The following COPS4 variants were observed in gnomAD, a reference collection of about 807,000 sequenced individuals.
COPS4 encodes the protein COP9 signalosome complex subunit 4.
COPS4 carries 8 observed loss-of-function variants against 55.1 expected under a neutral mutation model. The observed-to-expected ratio is 0.15, with a 90% CI of 0.09 to 0.26. COPS4 has a LOEUF of 0.26. COPS4 is among the 10% of genes least tolerant of loss of function. The pLI is 1.00. For missense variants in COPS4, 248 were observed against 484.0 expected (o/e 0.51, Z 4.58); for synonymous variants, 185 against 165.7 (o/e 1.12, Z -0.90).
At chr4:83,045,726 A>T in intron 2 of COPS4, 21 bp downstream of exon 2, 1 of 1,565,526 alleles carries the variant, frequency 6.4e-7, no homozygotes, top group Non-Finnish European at 8.8e-7. Context: ...TGGAAATTTC[A>T]TGCTTGCCTT....
intron 4 of COPS4, among the ~76,000 whole-genome samples, chr4:83,053,182 G>A (rs150532090): frequency 9.2e-5 from 14 of 152,258 alleles, no homozygotes; most frequent in African/African-American, 3.4e-4. Context: ...TTTGAGCCCA[G>A]ACTGGGCAAC....
rs189629429 is a variant in COPS4 at position 83,043,485 on chromosome 4, C to G, written c.75-2141C>G. Reference sequence around the variant, plus strand: ...AGTGAGCTATGATCATGTCACTGCACTCTAGCCTGGGCGACAGAGTGAGAC... The same window carrying G: ...AGTGAGCTATGATCATGTCACTGCAGTCTAGCCTGGGCGACAGAGTGAGAC... On this transcript the variant is annotated intron_variant, in intron 1 of 9. Transcript: ENST00000264389. Among the ~76,000 whole-genome samples the G allele has an allele frequency of 1.2e-3, 158 of 132,442 alleles. 1 individual carries two copies. The highest frequency in any genetic ancestry group is 4.5e-3 in the African/African-American group (153 of 33,996). The allele number at this position is 132,442 out of a possible 152,430, so 86.9% of individuals were successfully genotyped here.
intron 1 of COPS4, among the ~76,000 whole-genome samples, chr4:83,040,055 A>G (rs369886414): frequency 2.6e-5 from 4 of 152,040 alleles, no homozygotes; most frequent in Admixed American, 6.6e-5. Flanking sequence ...TTCCATTTCA[A>G]TGCTTTATTC....
chr4:83,074,123 A>G (rs1731506693), intron 9 of COPS4, among the ~76,000 whole-genome samples: 1 of 152,038 alleles, frequency 6.6e-6, no homozygotes, highest in Admixed American at 6.6e-5. Flanking sequence ...TTTTTGAGGG[A>G]TTTAAATGGT....
At chr4:83,040,929 A>G (rs183998722) in intron 1 of COPS4, among the ~76,000 whole-genome samples, 175 of 152,124 alleles carry the variant, frequency 1.2e-3, no homozygotes, top group Non-Finnish European at 1.1e-3. Flanking sequence ...AGTGCCAAGA[A>G]ATTAAGAATC....
intron 6 of COPS4, among the ~76,000 whole-genome samples, chr4:83,061,711 C>CTTTT: frequency 7.0e-6 from 1 of 142,164 alleles, no homozygotes. Flanking sequence ...TAGATTATGT[C>CTTTT]TTTTTTTTTT....
chr4:83,059,701 G>C (rs548719045), intron 6 of COPS4, among the ~76,000 whole-genome samples: 15 of 139,462 alleles, frequency 1.1e-4, no homozygotes, highest in Non-Finnish European at 2.2e-4. Context: ...TTTTTTTTTT[G>C]TTTGTTTGTT....
chr4:83,065,412 TG>T, intron 7 of COPS4, among the ~76,000 whole-genome samples: 1 of 152,280 alleles, frequency 6.6e-6, no homozygotes, highest in Admixed American at 6.5e-5. Flanking sequence ...CAAGGTAGAC[TG>T]GGAGATAGGA....
chr4:83,057,343 T>C lies in COPS4; in HGVS notation c.650T>C (p.Val217Ala), dbSNP rs747768262. 1 of 1,613,252 alleles carries C rather than the reference T, an allele frequency of 6.2e-7. No homozygotes were observed. Among genetic ancestry groups the C allele is most frequent in the Non-Finnish European group, 8.5e-7 (1 of 1,179,700 alleles). Reference sequence around the variant, plus strand: ...AATGAGCTCTCTTACAAGACAATAGTCCACGAAAGTGAAAGACTAGAGGCC... The same window carrying C: ...AATGAGCTCTCTTACAAGACAATAGCCCACGAAAGTGAAAGACTAGAGGCC... ...RYNELSYKTI[V>A]HESERLEALK... Residue 217 changes from valine to alanine, a missense_variant, in exon 6 of 10, where the codon GTC becomes GCC. By Grantham distance (64) the Val-to-Ala change is moderately conservative. Coordinates refer to ENST00000264389, the MANE Select transcript of COPS4 (RefSeq NM_016129.3).
At chr4:83,070,629 T>G (rs1731401252) in intron 9 of COPS4, among the ~76,000 whole-genome samples, 1 of 152,202 alleles carries the variant, frequency 6.6e-6, no homozygotes, top group Admixed American at 6.5e-5. Context: ...CATTTCTTAC[T>G]ATCACCAACC....
intron 2 of COPS4, 43 bp downstream of exon 2, chr4:83,045,748 C>G (rs1730693327): frequency 7.4e-7 from 1 of 1,358,432 alleles, no homozygotes; most frequent in East Asian, 2.3e-5. Context: ...TATTACTGAG[C>G]TAGGACTTTA....
At chr4:83,058,718 A>G (rs1287152518) in intron 6 of COPS4, among the ~76,000 whole-genome samples, 2 of 152,184 alleles carry the variant, frequency 1.3e-5, no homozygotes, top group Non-Finnish European at 2.9e-5. Flanking sequence ...TGATCTTTAC[A>G]TGTCAGTACA....
intron 4 of COPS4, among the ~76,000 whole-genome samples, chr4:83,052,478 C>T (rs1730911539): frequency 1.3e-5 from 2 of 152,138 alleles, no homozygotes; most frequent in Admixed American, 1.3e-4. Flanking sequence ...CAGCACCACT[C>T]CTCTGATTGC....
chr4:83,067,019 C>T (rs1035475857), intron 8 of COPS4, among the ~76,000 whole-genome samples: 2 of 151,992 alleles, frequency 1.3e-5, no homozygotes, highest in African/African-American at 4.8e-5. Flanking sequence ...AGTTATGGGT[C>T]GCATCCCTTT....
intron 6 of COPS4, among the ~76,000 whole-genome samples, chr4:83,060,801 C>T (rs1427851647): frequency 1.3e-5 from 2 of 151,298 alleles, no homozygotes; most frequent in Admixed American, 6.6e-5. Flanking sequence ...TTTGGGAGGC[C>T]GAGGTGGGCG....
chr4:83,060,213 T>C (rs1731129176), intron 6 of COPS4, among the ~76,000 whole-genome samples: 1 of 149,106 alleles, frequency 6.7e-6, no homozygotes, highest in African/African-American at 2.5e-5. Context: ...AGATGGAGTC[T>C]CGCTCTTTCG....
intron 2 of COPS4, among the ~76,000 whole-genome samples, chr4:83,047,454 T>C (rs549940160): frequency 6.6e-6 from 1 of 151,280 alleles, no homozygotes; most frequent in South Asian, 2.1e-4. Flanking sequence ...ATTGGGACGC[T>C]GAGGTGGGAA....
At chr4:83,066,156 A>T (rs1731287687) in intron 7 of COPS4, among the ~76,000 whole-genome samples, 1 of 152,232 alleles carries the variant, frequency 6.6e-6, no homozygotes, top group African/African-American at 2.4e-5. Flanking sequence ...TGTCTCAAAA[A>T]AAAAAGTTAA....
intron 4 of COPS4, among the ~76,000 whole-genome samples, chr4:83,051,523 T>G (rs1730889717): frequency 6.6e-6 from 1 of 152,214 alleles, no homozygotes; most frequent in East Asian, 1.9e-4. Flanking sequence ...GATTTCCTGA[T>G]GGCTTGTATG....
Sources: gnomAD v4.1 joint callset for allele counts (sites outside exome capture counted in the v4.1 genomes callset) on GRCh38, gnomAD v4.1.1 for gene constraint, MANE v1.5 for transcripts, NCBI Gene and HGNC (gene_info 2026-07-23, HGNC 2026-07-21) for gene names.